Variants in SPANXD observed in about 807,000 individuals in gnomAD.
SPANXD encodes sperm protein associated with the nucleus on the X chromosome D.
Under a neutral mutation model 1.8 loss-of-function variants are expected in SPANXD, and 2 were observed. The observed-to-expected ratio is 1.10, with a 90% CI of 0.45 to 3.47. The LOEUF (loss-of-function observed/expected upper bound fraction) is 3.47. SPANXD is among the 30% of genes most tolerant of loss of function. SPANXD has a pLI of 0.08. For missense variants in SPANXD, 80 were observed against 81.6 expected (o/e 0.98, Z 0.07); for synonymous variants, 30 against 32.9 (o/e 0.91, Z 0.30).
rs1355482505 is a variant in SPANXD at position 141,698,587 on chromosome X, A to T, written c.-182T>A. 7 of 942,875 alleles carry T rather than the reference A, an allele frequency of 7.4e-6. No homozygotes were observed. The highest frequency in any genetic ancestry group is 2.0e-5 in the African/African-American group (1 of 49,611). The allele number at this position is 942,875 out of a possible 1,213,427, so 77.7% of individuals were successfully genotyped here. On this transcript the variant is annotated 5_prime_UTR_variant, in exon 1 of 2. Coordinates refer to ENST00000370515, the MANE Select transcript of SPANXD (RefSeq NM_032417.4). Reference sequence around the variant, plus strand: ...CAATGGCAGCCCTAGGGTGGCTTCGACGTCACAAAGCCCCACTGCTGACCA... The same window carrying T: ...CAATGGCAGCCCTAGGGTGGCTTCGTCGTCACAAAGCCCCACTGCTGACCA...
Position 141,697,657 on chromosome X carries a change from G to T in SPANXD, c.102C>A (p.Asp34Glu), listed in dbSNP as rs782144858. ...MMPETSSGYS[D>E]PQPAPKKLKT... is the part of the protein sequence containing the mutation. ...TTAGTTTTTTCGGAGCAGGTTGCGG[G>T]TCTGAGTACCCACTCGAGGTCTCCG... The change falls in exon 2 of 2, where the codon GAC becomes GAA. Residue 34 changes from aspartate to glutamate, a missense_variant. This residue lies in a region of SPANXD where 78 missense variants were observed against 58.7 expected (regional missense o/e 1.33). Transcript: ENST00000370515. 8.4e-7 allele frequency: 1 copy of T among 1,188,574 alleles called. No individual in the cohort carries two copies. The highest frequency in any genetic ancestry group is 2.2e-5 in the Admixed American group (1 of 45,483).
rs2016824324 is a variant in SPANXD, at chrX:141,698,606, C to T, written c.-201G>A. The stretch of plus-strand genomic sequence containing the variant: ...GCTTCGACGTCACAAAGCCCCACTG[C>T]TGACCACTCCCTGGGCTTGCGGGCG... On this transcript the variant is annotated 5_prime_UTR_variant, in exon 1 of 2. Coordinates refer to ENST00000370515, the MANE Select transcript of SPANXD (RefSeq NM_032417.4). 2 of 725,175 alleles carry T rather than the reference C, an allele frequency of 2.8e-6. No individual in the cohort carries two copies. The allele number at this position is 725,175 out of a possible 1,213,427, so 59.8% of individuals were successfully genotyped here. A position where few individuals can be genotyped will look rare whatever the true frequency, so the allele number is the denominator to read the frequency against.
rs1556402292 is a variant in SPANXD, at chrX:141,697,555, C to T, written c.204G>A (p.Val68=). The T allele has an allele frequency of 5.8e-6, 7 of 1,206,748 alleles. No individual in the cohort carries two copies. Among genetic ancestry groups the T allele is most frequent in the Non-Finnish European group, 6.7e-6 (6 of 892,536 alleles). ...TTCTGTTCTTTCGGGCGTGGTCATT[C>T]ACCAGTTCCTCTGGAGATGTTCTTT... is the stretch of plus-strand genomic sequence containing the variant. ...NFKRTSPEEL[V]NDHARKNRIN... The change falls in exon 2 of 2, where the codon GTG becomes GTA. Residue 68 remains valine (V), a synonymous_variant. Coordinates refer to ENST00000370515, the MANE Select transcript of SPANXD (RefSeq NM_032417.4).
At chrX:141,697,817 G>T in intron 1 of SPANXD, 131 bp from the exon 2 acceptor site, 1 of 685,925 alleles carries the variant, frequency 1.5e-6, no homozygotes. Context: ...AGAAGAAGAA[G>T]GTTGAAGCAC....
Position 141,697,598 on chromosome X carries a change from C to A in SPANXD, c.161G>T (p.Arg54Leu). Residue 54 changes from arginine to leucine, a missense_variant, in exon 2 of 2, where the codon CGC becomes CTC. Arg to Leu is a moderately radical substitution (Grantham distance 102). Transcript: ENST00000370515. ...TSESSTILVV[R>L]YRRNFKRTSP... is the part of the protein sequence containing the mutation. ...TGTTCTTTTAAAGTTCCTCCTGTAG[C>A]GAACCACTAGTATGGTCGAGGACTC... 8.3e-7 allele frequency: 1 copy of A among 1,203,589 alleles called. No homozygotes were observed. The highest frequency in any genetic ancestry group is 1.1e-6 in the Non-Finnish European group (1 of 890,660).
In SPANXD at chrX:141,697,512, C is replaced by G. The variant is rs782267438; in HGVS notation, c.247G>C (p.Glu83Gln). 8.3e-6 allele frequency: 10 copies of G among 1,205,982 alleles called. No individual in the cohort carries two copies. Among genetic ancestry groups the G allele is most frequent in the African/African-American group, 1.8e-5 (1 of 56,500 alleles). The change falls in exon 2 of 2, where the codon GAG (glutamate) becomes CAG (glutamine). Residue 83 changes from glutamate to glutamine, a missense_variant. By Grantham distance (29) the Glu-to-Gln change is conservative (BLOSUM62 2). Transcript: ENST00000370515. The stretch of plus-strand genomic sequence containing the variant: ...ATTATTTCCATGAATTCCTCCTCCT[C>G]CATTTGGAGGGGGTTGATTCTGTTC... The part of the protein sequence containing the change: ...RKNRINPLQM[E>Q]EEEFMEIMVE...
chrX:141,698,615 C>A lies in SPANXD; in HGVS notation c.-210G>T. ...TCACAAAGCCCCACTGCTGACCACT[C>A]CCTGGGCTTGCGGGCGAGGGGTGAC... On this transcript the variant is annotated 5_prime_UTR_variant, in exon 1 of 2. The change creates a premature stop within an existing upstream ORF in the 5' untranslated region. Coordinates refer to ENST00000370515, the MANE Select transcript of SPANXD (RefSeq NM_032417.4). 1 of 648,769 alleles carries A rather than the reference C, an allele frequency of 1.5e-6. No homozygotes were observed. The highest frequency in any genetic ancestry group is 2.9e-5 in the South Asian group (1 of 34,371). 53.5% of individuals were successfully genotyped at this position (648,769 alleles called of 1,213,427 possible).
rs782512000 is a variant in SPANXD, at chrX:141,697,552, A to G, written c.207T>C (p.Asn69=). The G allele has an allele frequency of 1.7e-6, 2 of 1,206,684 alleles. No homozygotes were observed. Among genetic ancestry groups the G allele is most frequent in the South Asian group, 1.8e-5 (1 of 56,669 alleles). ...TGATTCTGTTCTTTCGGGCGTGGTC[A>G]TTCACCAGTTCCTCTGGAGATGTTC... ...FKRTSPEELV[N]DHARKNRINP... is the part of the protein sequence containing the mutation. Residue 69 remains asparagine (N), a synonymous_variant, in exon 2 of 2, where the codon AAT becomes AAC. Transcript: ENST00000370515.
rs142384328 is a variant in SPANXD at position 141,697,615 on chromosome X, C to A, written c.144G>T (p.Ser48=). ...APKKLKTSES[S]TILVVRYRRN... ...TCCTGTAGCGAACCACTAGTATGGT[C>A]GAGGACTCAGATGTTTTTAGTTTTT... The change falls in exon 2 of 2, where the codon TCG becomes TCT. Residue 48 remains serine, a synonymous_variant. Coordinates refer to ENST00000370515, the MANE Select transcript of SPANXD (RefSeq NM_032417.4). 27 of 1,190,889 alleles carry A rather than the reference C, an allele frequency of 2.3e-5. No homozygotes were observed. Among genetic ancestry groups the A allele is most frequent in the Non-Finnish European group, 2.8e-5 (25 of 882,518 alleles).
rs1556402374 is a variant in SPANXD at position 141,697,613 on chromosome X, G to C, written c.146C>G (p.Thr49Ser). The change falls in exon 2 of 2, where the codon ACC (threonine) becomes AGC (serine). Residue 49 changes from threonine (T) to serine (S), a missense_variant. Physicochemically the swap from Thr to Ser is moderately conservative, Grantham distance 58. Around this residue, in one of 2 missense-constraint regions of SPANXD, gnomAD observed 78 missense variants for 58.7 expected, o/e 1.33. Coordinates refer to ENST00000370515, the MANE Select transcript of SPANXD (RefSeq NM_032417.4). ...CCTCCTGTAGCGAACCACTAGTATGGTCGAGGACTCAGATGTTTTTAGTTT... is the reference window on the plus strand; with the variant it reads ...CCTCCTGTAGCGAACCACTAGTATGCTCGAGGACTCAGATGTTTTTAGTTT... ...PKKLKTSESS[T>S]ILVVRYRRNF... 2 of 1,194,961 alleles carry C rather than the reference G, an allele frequency of 1.7e-6. No homozygotes were observed. Among genetic ancestry groups the C allele is most frequent in the East Asian group, 5.9e-5 (2 of 33,695 alleles).
rs781854537 is a variant in SPANXD at position 141,697,548 on chromosome X, G to T, written c.211C>A (p.His71Asn). The T allele has an allele frequency of 8.3e-7, 1 of 1,206,558 alleles. No individual in the cohort carries two copies. The highest frequency in any genetic ancestry group is 1.8e-5 in the African/African-American group (1 of 57,074). ...RTSPEELVND[H>N]ARKNRINPLQ... ...GGGTTGATTCTGTTCTTTCGGGCGT[G>T]GTCATTCACCAGTTCCTCTGGAGAT... The change falls in exon 2 of 2, where the codon CAC becomes AAC. Residue 71 changes from histidine to asparagine, a missense_variant. By Grantham distance (68) the His-to-Asn change is moderately conservative. Transcript: ENST00000370515.
chrX:141,697,532 C>G lies in SPANXD; in HGVS notation c.227G>C (p.Arg76Thr), dbSNP rs1556402263. ...ELVNDHARKN[R>T]INPLQMEEEE... The stretch of plus-strand genomic sequence containing the variant: ...CTCCTCCATTTGGAGGGGGTTGATT[C>G]TGTTCTTTCGGGCGTGGTCATTCAC... The change falls in exon 2 of 2, where the codon AGA becomes ACA. Residue 76 changes from arginine (R) to threonine (T), a missense_variant. Physicochemically the swap from Arg to Thr is moderately conservative, Grantham distance 71. Coordinates refer to ENST00000370515, the MANE Select transcript of SPANXD (RefSeq NM_032417.4). 2 of 1,204,912 alleles carry G rather than the reference C, an allele frequency of 1.7e-6. No individual in the cohort carries two copies. The highest frequency in any genetic ancestry group is 2.2e-5 in the Admixed American group (1 of 45,501).
In SPANXD at chrX:141,697,612, G is replaced by T. The variant is rs1406862268; in HGVS notation, c.147C>A (p.Thr49=). The T allele has an allele frequency of 8.4e-7, 1 of 1,193,914 alleles. No homozygotes were observed. Among genetic ancestry groups the T allele is most frequent in the African/African-American group, 1.8e-5 (1 of 55,598 alleles). The change falls in exon 2 of 2, where the codon ACC becomes ACA. Residue 49 remains threonine, a synonymous_variant. Coordinates refer to ENST00000370515, the MANE Select transcript of SPANXD (RefSeq NM_032417.4). ...PKKLKTSESS[T]ILVVRYRRNF... is the part of the protein sequence containing the mutation. Reference sequence around the variant, plus strand: ...TCCTCCTGTAGCGAACCACTAGTATGGTCGAGGACTCAGATGTTTTTAGTT... The same window carrying T: ...TCCTCCTGTAGCGAACCACTAGTATTGTCGAGGACTCAGATGTTTTTAGTT...
In SPANXD at chrX:141,698,702, A is replaced by G; in HGVS notation, c.-297T>C. The G allele has an allele frequency of 3.8e-6, 1 of 262,400 alleles. No homozygotes were observed. Among genetic ancestry groups the G allele is most frequent in the Non-Finnish European group, 6.8e-6 (1 of 147,417 alleles). The allele number at this position is 262,400 out of a possible 1,213,427, so 21.6% of individuals were successfully genotyped here. On this transcript the variant is annotated 5_prime_UTR_variant, in exon 1 of 2. Coordinates refer to ENST00000370515, the MANE Select transcript of SPANXD (RefSeq NM_032417.4). ...AGCATCCCCTGAAGATGCATCCCAA[A>G]CCGATCTGCCGCCGCTCCTCATTTC...
chrX:141,697,423 A>C lies in SPANXD; in HGVS notation c.*42T>G. On this transcript the variant is annotated 3_prime_UTR_variant, in exon 2 of 2. Coordinates refer to ENST00000370515, the MANE Select transcript of SPANXD (RefSeq NM_032417.4). ...ATATACACAGCCATCAGCTTCTCAAACTTTATTGTCATTGCCCAAGGTTGA... is the reference window on the plus strand; with the variant it reads ...ATATACACAGCCATCAGCTTCTCAACCTTTATTGTCATTGCCCAAGGTTGA... 1.7e-6 allele frequency: 2 copies of C among 1,208,236 alleles called. No individual in the cohort carries two copies. Among genetic ancestry groups the C allele is most frequent in the African/African-American group, 3.5e-5 (2 of 57,231 alleles).
rs1356803474 is a variant in SPANXD, at chrX:141,698,600, C to T, written c.-195G>A. 4.1e-6 allele frequency: 3 copies of T among 729,474 alleles called. No individual in the cohort carries two copies. The highest frequency in any genetic ancestry group is 6.0e-6 in the Non-Finnish European group (3 of 499,615). 60.1% of individuals were successfully genotyped at this position (729,474 alleles called of 1,213,427 possible). ...AGGGTGGCTTCGACGTCACAAAGCC[C>T]CACTGCTGACCACTCCCTGGGCTTG... On this transcript the variant is annotated 5_prime_UTR_variant, in exon 1 of 2. Transcript: ENST00000370515.
chrX:141,697,647 C>G lies in SPANXD; in HGVS notation c.112G>C (p.Ala38Pro), dbSNP rs1319833980. Residue 38 changes from alanine to proline, a missense_variant, in exon 2 of 2, where the codon GCT (alanine) becomes CCT (proline). Physicochemically the swap from Ala to Pro is conservative, Grantham distance 27. This residue lies in a region of SPANXD where 78 missense variants were observed against 58.7 expected (regional missense o/e 1.33). Transcript: ENST00000370515. ...TCAGATGTTTTTAGTTTTTTCGGAG[C>G]AGGTTGCGGGTCTGAGTACCCACTC... Reference protein sequence around the residue: ...TSSGYSDPQPAPKKLKTSESS... With the variant: ...TSSGYSDPQPPPKKLKTSESS... 8.4e-7 allele frequency: 1 copy of G among 1,188,425 alleles called. No individual in the cohort carries two copies. Among genetic ancestry groups the G allele is most frequent in the South Asian group, 1.8e-5 (1 of 54,792 alleles).
Position 141,697,654 on chromosome X carries a change from C to G in SPANXD, c.105G>C (p.Pro35=). ...MPETSSGYSD[P]QPAPKKLKTS... is the part of the protein sequence containing the mutation. ...TTTTTAGTTTTTTCGGAGCAGGTTG[C>G]GGGTCTGAGTACCCACTCGAGGTCT... Residue 35 remains proline, a synonymous_variant, in exon 2 of 2, where the codon CCG becomes CCC. Transcript: ENST00000370515. The G allele has an allele frequency of 1.7e-6, 2 of 1,188,263 alleles. No homozygotes were observed. The highest frequency in any genetic ancestry group is 3.0e-5 in the East Asian group (1 of 33,542).
Position 141,697,459 on chromosome X carries a change from T to C in SPANXD, c.*6A>G. ...ATTGCCCAAGGTTGAGAGATGTAGC[T>C]TCTTGCTACTTTGCAGGTATTTCAA... On this transcript the variant is annotated 3_prime_UTR_variant, in exon 2 of 2. Coordinates refer to ENST00000370515, the MANE Select transcript of SPANXD (RefSeq NM_032417.4). 1 of 1,209,302 alleles carries C rather than the reference T, an allele frequency of 8.3e-7. No individual in the cohort carries two copies. The highest frequency in any genetic ancestry group is 1.1e-6 in the Non-Finnish European group (1 of 894,723).
Sources: allele counts gnomAD v4.1 joint callset, GRCh38; gene constraint gnomAD v4.1.1; regional missense constraint gnomAD v4.1.1; transcripts MANE v1.5; gene names NCBI Gene and HGNC (gene_info 2026-07-23, HGNC 2026-07-21).